The following LARP4 variants were observed in gnomAD, a reference collection of about 807,000 sequenced individuals.
The protein encoded by LARP4 is La ribonucleoprotein 4, also known as la-related protein 4.
A neutral mutation model predicts 92.9 loss-of-function variants in LARP4; 29 were observed. The ratio of observed to expected loss-of-function variants is 0.31; its 90% CI spans 0.23 to 0.43. The LOEUF is 0.43. LARP4 is among the 20% of genes least tolerant of loss of function. The pLI, the probability that LARP4 is intolerant of heterozygous loss-of-function variation, is 1.00. For synonymous variants in LARP4, 279 were observed against 284.1 expected (o/e 0.98, Z 0.18); for missense variants, 732 against 860.0 (o/e 0.85, Z 1.86).
Position 50,446,942 on chromosome 12 carries a change from C to A in LARP4, c.804+5299C>A, listed in dbSNP as rs572482640. Among the ~76,000 whole-genome samples the A allele has an allele frequency of 4.2e-4, 64 of 152,072 alleles. 1 individual carries two copies. The highest frequency in any genetic ancestry group is 6.2e-4 in the Non-Finnish European group (42 of 68,030). On this transcript the variant is annotated intron_variant, in intron 8 of 15. Coordinates refer to ENST00000398473, the MANE Select transcript of LARP4 (RefSeq NM_052879.5). ...GCAATTTTAGGAGTGGAGGAGGGTT[C>A]CTGGCCTATGGCTGTAAGGATCATA...
intron 1 of LARP4, among the ~76,000 whole-genome samples, chr12:50,415,208 A>G (rs1565950452): frequency 6.6e-6 from 1 of 152,190 alleles, no homozygotes; most frequent in African/African-American, 2.4e-5. Context: ...CTGTCTCAAA[A>G]AAATAAATGA....
At chr12:50,432,860 CA>C (rs10660517) in intron 4 of LARP4, among the ~76,000 whole-genome samples, 140 of 124,404 alleles carry the variant, frequency 1.1e-3, no homozygotes, top group African/African-American at 3.9e-3. Flanking sequence ...GACTTCGTTT[CA>C]AAAAAAAAAA....
chr12:50,444,872 C>T (rs975335135), intron 8 of LARP4, among the ~76,000 whole-genome samples: 5 of 152,118 alleles, frequency 3.3e-5, no homozygotes, highest in Non-Finnish European at 7.4e-5. Context: ...CAACCAGCAA[C>T]GAATTCTCTT....
At chr12:50,473,824 G>C (rs1163976383) in intron 14 of LARP4, among the ~76,000 whole-genome samples, 175 bp from the exon 15 acceptor site, 2 of 131,998 alleles carry the variant, frequency 1.5e-5, no homozygotes, top group East Asian at 4.8e-4. Flanking sequence ...TGGGGGGGGT[G>C]GGGGGTGCGG....
At position 50,443,339 on chromosome 12, in the gene LARP4, C is replaced by T. The variant is rs571345344; in HGVS notation, c.804+1696C>T. ...AGGCTCGAGTGCAGGGGCATGATCA[C>T]GGCTCACTGCTGCCTCGACCTCTCA... On this transcript the variant is annotated intron_variant, in intron 8 of 15. Transcript: ENST00000398473. Among the ~76,000 whole-genome samples the T allele has an allele frequency of 3.4e-4, 52 of 152,224 alleles. No individual in the cohort carries two copies. The South Asian group carries it at 9.5e-3, about 28-fold the overall frequency.
At chr12:50,441,846 C>T (rs1051497438) in intron 8 of LARP4, among the ~76,000 whole-genome samples, 1 of 152,142 alleles carries the variant, frequency 6.6e-6, no homozygotes, top group Non-Finnish European at 1.5e-5. Context: ...GCCAGGAGTT[C>T]GAGACCAGCC....
At chr12:50,438,028 A>G (rs1950683759) in intron 6 of LARP4, among the ~76,000 whole-genome samples, 190 bp downstream of exon 6, 1 of 152,216 alleles carries the variant, frequency 6.6e-6, no homozygotes, top group Admixed American at 6.5e-5. Flanking sequence ...CTAGGATGGT[A>G]TAGAGAAAGG....
chr12:50,416,735 A>G (rs867873747), intron 1 of LARP4, among the ~76,000 whole-genome samples: 23 of 152,186 alleles, frequency 1.5e-4, no homozygotes, highest in African/African-American at 5.5e-4. Flanking sequence ...CTGTAATCCC[A>G]GCACTTTGGG....
At chr12:50,402,492 G>A (rs1337398839) in intron 1 of LARP4, among the ~76,000 whole-genome samples, 1 of 152,172 alleles carries the variant, frequency 6.6e-6, no homozygotes, top group Non-Finnish European at 1.5e-5. Context: ...GGTTTTAAGT[G>A]TGTGTTTTGC....
At chr12:50,412,159 T>A (rs1463264556) in intron 1 of LARP4, among the ~76,000 whole-genome samples, 4 of 152,254 alleles carry the variant, frequency 2.6e-5, no homozygotes, top group Admixed American at 6.5e-5. Flanking sequence ...TAATTACTAT[T>A]CTCTGAATGA....
Position 50,463,780 on chromosome 12 carries a change from C to T in LARP4, c.1383+1150C>T, listed in dbSNP as rs576460841. Among the ~76,000 whole-genome samples the T allele has an allele frequency of 1.7e-4, 26 of 152,232 alleles. No homozygotes were observed. The South Asian group carries it at 1.9e-3, about 11-fold the overall frequency. ...TATGCCTGTTCTGGAGTCTGGAGGA[C>T]GGTGGCCCTCTTCTGCCACTATGCA... On this transcript the variant is annotated intron_variant, in intron 12 of 15. Coordinates refer to ENST00000398473, the MANE Select transcript of LARP4 (RefSeq NM_052879.5).
Position 50,437,847 on chromosome 12 carries a change from T to C in LARP4, c.639+9T>C, listed in dbSNP as rs759987855. The stretch of plus-strand genomic sequence containing the variant: ...AAACAACACCAATAGAGGTAAATTA[T>C]TAATAATTGTTAACACTAAATGTTC... On this transcript the variant is annotated intron_variant, in intron 6 of 15. Coordinates refer to ENST00000398473, the MANE Select transcript of LARP4 (RefSeq NM_052879.5). The C allele has an allele frequency of 2.8e-6, 4 of 1,436,748 alleles. No individual in the cohort carries two copies. The Admixed American group carries it at 7.0e-5, about 25-fold the overall frequency. The allele number at this position is 1,436,748 out of a possible 1,614,324, so 89.0% of individuals were successfully genotyped here. A position where few individuals can be genotyped will look rare whatever the true frequency, so the allele number is the denominator to read the frequency against.
intron 6 of LARP4, among the ~76,000 whole-genome samples, chr12:50,439,647 T>A (rs1346628258): frequency 6.6e-6 from 1 of 152,160 alleles, no homozygotes; most frequent in East Asian, 1.9e-4. Flanking sequence ...TTCCCCTACT[T>A]CAATCTCCCA....
intron 11 of LARP4, 39 bp downstream of exon 11, chr12:50,461,386 G>A: frequency 2.0e-6 from 3 of 1,535,036 alleles, no homozygotes; most frequent in Non-Finnish European, 2.7e-6. Context: ...TGATAATAAT[G>A]TGATCATCCT....
Position 50,441,593 on chromosome 12 carries a change from T to C in LARP4, c.754T>C (p.Phe252Leu). ...FQSDTDAQQAFKYLREEVKTF... is the reference protein window; with the variant it reads ...FQSDTDAQQALKYLREEVKTF... ...TTTTTTTGTGCTTTGTTAACAGGCT[T>C]TTAAATACTTAAGAGAAGAAGTTAA... is the stretch of plus-strand genomic sequence containing the variant. The change falls in exon 8 of 16, where the codon TTT becomes CTT. Residue 252 changes from phenylalanine to leucine, a missense_variant. Coordinates refer to ENST00000398473, the MANE Select transcript of LARP4 (RefSeq NM_052879.5). The C allele has an allele frequency of 6.3e-7, 1 of 1,590,792 alleles. No individual in the cohort carries two copies. Among genetic ancestry groups the C allele is most frequent in the Non-Finnish European group, 8.5e-7 (1 of 1,170,660 alleles).
At chr12:50,457,327 C>T (rs1205864212) in intron 10 of LARP4, among the ~76,000 whole-genome samples, 2 of 151,432 alleles carry the variant, frequency 1.3e-5, no homozygotes, top group Non-Finnish European at 2.9e-5. Context: ...CTGCCTTAGC[C>T]TTCCAATTAG....
At chr12:50,401,529 C>T (rs1038748533) in intron 1 of LARP4, among the ~76,000 whole-genome samples, 17 of 152,286 alleles carry the variant, frequency 1.1e-4, no homozygotes, top group South Asian at 2.1e-4. Context: ...CAACTTCCAC[C>T]AAATTCTGCC....
chr12:50,427,800 C>T lies in LARP4; in HGVS notation c.57C>T (p.Ala19=). The T allele has an allele frequency of 6.3e-7, 1 of 1,597,188 alleles. No individual in the cohort carries two copies. The highest frequency in any genetic ancestry group is 8.6e-7 in the Non-Finnish European group (1 of 1,168,880). The change falls in exon 2 of 16, where the codon GCC becomes GCT. Residue 19 remains alanine (A), a synonymous_variant. Transcript: ENST00000398473. ...AAGGAACTGGTTTAAATCCTAATGC[C>T]AAAGTATGGCAAGAAATTGCTCCTG... ...ASKGTGLNPN[A]KVWQEIAPGN... is the part of the protein sequence containing the mutation.
intron 1 of LARP4, among the ~76,000 whole-genome samples, chr12:50,417,393 A>G (rs1352828341): frequency 1.3e-5 from 2 of 152,104 alleles, no homozygotes; most frequent in African/African-American, 4.8e-5. Context: ...AAAAGAAAAA[A>G]AAGAAAATTG....
Sources: gnomAD v4.1 joint callset for allele counts (sites outside exome capture counted in the v4.1 genomes callset) on GRCh38, gnomAD v4.1.1 for gene constraint, MANE v1.5 for transcripts, NCBI Gene and HGNC (gene_info 2026-07-23, HGNC 2026-07-21) for gene names.